Variants in NAV2 observed in about 807,000 individuals in gnomAD.
NAV2 encodes neuron navigator 2.
NAV2 carries 54 observed loss-of-function variants against 223.2 expected under a neutral mutation model. The ratio of observed to expected loss-of-function variants is 0.24; its 90% CI spans 0.19 to 0.30. The LOEUF (loss-of-function observed/expected upper bound fraction) is 0.30, where lower values mean the gene tolerates loss of function less well. Among genes scored for constraint, NAV2 ranks in the 10% least tolerant of loss-of-function variants. The pLI is 1.00. For missense variants in NAV2, 2,806 were observed against 3,147.5 expected, an observed-to-expected ratio of 0.89 and a Z score of 2.60; for synonymous variants, 1,279 against 1,239.3, an observed-to-expected ratio of 1.03 and a Z score of -0.67.
intron 9 of NAV2, among the ~76,000 whole-genome samples, chr11:19,946,794 T>C (rs2046974212): frequency 6.6e-6 from 1 of 152,248 alleles, no homozygotes; most frequent in Non-Finnish European, 1.5e-5. Context: ...GCATTTTCTA[T>C]AACTGTCTGG....
chr11:19,851,716 T>C (rs1238940321), intron 3 of NAV2, among the ~76,000 whole-genome samples: 1 of 152,208 alleles, frequency 6.6e-6, no homozygotes, highest in African/African-American at 2.4e-5. Flanking sequence ...AAGTACGCCC[T>C]CAGTGGGGTA....
intron 30 of NAV2, among the ~76,000 whole-genome samples, chr11:20,097,370 A>G (rs531979818): frequency 6.6e-6 from 1 of 152,230 alleles, no homozygotes; most frequent in African/African-American, 2.4e-5. Context: ...CTGCTAACCA[A>G]ATAAATCTGT....
At chr11:19,350,569 A>G (rs1297663230), upstream of NAV2, among the ~76,000 whole-genome samples, 1 of 152,224 alleles carries the variant, frequency 6.6e-6, no homozygotes, top group Non-Finnish European at 1.5e-5. Context: ...TTATTGACAT[A>G]TAAATTATCT....
intron 36 of NAV2, among the ~76,000 whole-genome samples, chr11:20,108,974 G>C (rs1324259136): frequency 6.6e-6 from 1 of 152,154 alleles, no homozygotes; most frequent in African/African-American, 2.4e-5. Context: ...TTGTTTCCTT[G>C]GTACTGGACA....
intron 1 of NAV2, among the ~76,000 whole-genome samples, chr11:19,370,101 C>T (rs1384708623): frequency 6.6e-6 from 1 of 152,196 alleles, no homozygotes; most frequent in Non-Finnish European, 1.5e-5. Context: ...TCATAGCCAT[C>T]GATTTCCCCT....
intron 10 of NAV2, among the ~76,000 whole-genome samples, chr11:19,974,050 A>G (rs2049484402): frequency 6.6e-6 from 1 of 152,246 alleles, no homozygotes; most frequent in South Asian, 2.1e-4. Context: ...ACCTAGGTTA[A>G]TGTGGATATT....
At chr11:19,857,642 T>C (rs1158760388) in intron 3 of NAV2, among the ~76,000 whole-genome samples, 1 of 152,164 alleles carries the variant, frequency 6.6e-6, no homozygotes, top group Non-Finnish European at 1.5e-5. Context: ...TTGTCTGTCT[T>C]AGGGGACTGG....
chr11:19,843,682 TA>T (rs1448126117), intron 3 of NAV2, among the ~76,000 whole-genome samples: 6 of 150,748 alleles, frequency 4.0e-5, no homozygotes, highest in Non-Finnish European at 8.8e-5. Flanking sequence ...ATAACACTAA[TA>T]ACCTATTTAA....
intron 18 of NAV2, among the ~76,000 whole-genome samples, chr11:20,054,786 G>A (rs1314105170): frequency 2.0e-5 from 3 of 152,172 alleles, no homozygotes; most frequent in Non-Finnish European, 4.4e-5. Context: ...AGTGGGGAAA[G>A]GAAAAGAATT....
At chr11:20,087,084 A>G (rs538971560) in intron 26 of NAV2, among the ~76,000 whole-genome samples, 2 of 152,334 alleles carry the variant, frequency 1.3e-5, no homozygotes, top group East Asian at 1.9e-4. Flanking sequence ...TTTGAAGTTC[A>G]GAAAGAGGGA....
intron 1 of NAV2, among the ~76,000 whole-genome samples, chr11:19,440,527 C>T (rs1422441634): frequency 6.6e-6 from 1 of 152,112 alleles, no homozygotes; most frequent in Admixed American, 6.5e-5. Context: ...ATGCTCCTGG[C>T]TGATTGTCTC....
chr11:19,479,712 G>C (rs550980877), intron 1 of NAV2, among the ~76,000 whole-genome samples: 1 of 152,166 alleles, frequency 6.6e-6, no homozygotes, highest in Admixed American at 6.5e-5. Context: ...AATTTGTTGA[G>C]CACCTACAAT....
chr11:20,014,413 T>C (rs1306830255), intron 11 of NAV2, among the ~76,000 whole-genome samples: 1 of 152,178 alleles, frequency 6.6e-6, no homozygotes, highest in Non-Finnish European at 1.5e-5. Context: ...AAAATATAGA[T>C]CCTCAAAGCC....
At chr11:19,558,512 G>A (rs967268255) in intron 1 of NAV2, among the ~76,000 whole-genome samples, 1 of 152,234 alleles carries the variant, frequency 6.6e-6, no homozygotes, top group African/African-American at 2.4e-5. Context: ...ACAAGACATG[G>A]GTTTTGACTA....
At chr11:20,009,090 T>C (rs1484966187) in intron 11 of NAV2, among the ~76,000 whole-genome samples, 1 of 152,194 alleles carries the variant, frequency 6.6e-6, no homozygotes, top group Non-Finnish European at 1.5e-5. Flanking sequence ...GACCTTGGGC[T>C]AGGAATTTGG....
intron 11 of NAV2, chr11:20,022,422 C>A: frequency 2.9e-6 from 1 of 339,850 alleles, no homozygotes; most frequent in Non-Finnish European, 4.2e-6. Context: ...AATAAGTAGC[C>A]TGCGGAATTA....
intron 1 of NAV2, among the ~76,000 whole-genome samples, chr11:19,662,563 G>T (rs1442595016): frequency 6.6e-6 from 1 of 152,236 alleles, no homozygotes. Flanking sequence ...TTCCATTCCT[G>T]CTAACCACCA....
intron 1 of NAV2, among the ~76,000 whole-genome samples, chr11:19,755,986 A>G (rs1448122076): frequency 6.6e-6 from 1 of 152,216 alleles, no homozygotes; most frequent in African/African-American, 2.4e-5. Flanking sequence ...CTGGGCAGGA[A>G]AATCACAACT....
chr11:19,845,517 G>T (rs996440161), intron 3 of NAV2, among the ~76,000 whole-genome samples: 1 of 152,168 alleles, frequency 6.6e-6, no homozygotes, highest in African/African-American at 2.4e-5. Flanking sequence ...CACCTTTAGG[G>T]CCCTTTAATA....
Sources: allele counts gnomAD v4.1 joint callset (sites outside exome capture counted in the v4.1 genomes callset), GRCh38; gene constraint gnomAD v4.1.1; transcripts MANE v1.5; gene names NCBI Gene and HGNC (gene_info 2026-07-23, HGNC 2026-07-21).